Variants in BRSK2 observed in about 807,000 individuals in gnomAD.
The protein encoded by BRSK2 is serine/threonine-protein kinase BRSK2.
Under a neutral mutation model 83.3 loss-of-function variants are expected in BRSK2, and 19 were observed. The observed-to-expected ratio is 0.23, with a 90% CI of 0.16 to 0.33. The LOEUF is 0.33. Among genes scored for constraint, BRSK2 ranks in the 10% least tolerant of loss-of-function variants. The pLI is 1.00. For missense variants in BRSK2, 798 were observed against 1,042.3 expected, an observed-to-expected ratio of 0.77 and a Z score of 3.23; for synonymous variants, 519 against 435.4, an observed-to-expected ratio of 1.19 and a Z score of -2.39.
chr11:1,417,859 A>T (rs1193899967), intron 1 of BRSK2, among the ~76,000 whole-genome samples: 1 of 116,910 alleles, frequency 8.6e-6, no homozygotes, highest in Non-Finnish European at 1.8e-5. Flanking sequence ...AGAGTGGGTC[A>T]CCTGTGTCCT....
chr11:1,405,901 C>T (rs1250843096), intron 1 of BRSK2, among the ~76,000 whole-genome samples: 1 of 152,176 alleles, frequency 6.6e-6, no homozygotes, highest in Non-Finnish European at 1.5e-5. Context: ...TGGCCCAGCC[C>T]CAGGCGCCCC....
chr11:1,436,403 C>T (rs1253388955), intron 2 of BRSK2, among the ~76,000 whole-genome samples: 1 of 152,156 alleles, frequency 6.6e-6, no homozygotes, highest in Non-Finnish European at 1.5e-5. Flanking sequence ...AGTTCAGTTG[C>T]TGCAGGACCT....
intron 2 of BRSK2, among the ~76,000 whole-genome samples, chr11:1,437,685 A>G (rs1850508211): frequency 6.6e-6 from 1 of 152,198 alleles, no homozygotes; most frequent in African/African-American, 2.4e-5. Flanking sequence ...TGGGGCCCAC[A>G]GAGGCCTGTC....
Position 1,454,699 on chromosome 11 carries a change from C to G in BRSK2, c.1668+91C>G. On this transcript the variant is annotated intron_variant, in intron 16 of 19. Coordinates refer to ENST00000528841, the MANE Select transcript of BRSK2 (RefSeq NM_001256627.2). The surrounding 1 kb of genome is among the most constrained non-coding windows in gnomAD (Gnocchi z 5.2). ...ATCCAGCCTCCTCACGTAGACAGGA[C>G]ATGTCCACGCGCACAGCACGGACGT... 5.3e-6 allele frequency: 8 copies of G among 1,504,654 alleles called. No individual in the cohort carries two copies. Among genetic ancestry groups the G allele is most frequent in the Admixed American group, 1.8e-5 (1 of 56,164 alleles). The allele number at this position is 1,504,654 out of a possible 1,614,324, so 93.2% of individuals were successfully genotyped here. A position where few individuals can be genotyped will look rare whatever the true frequency, so the allele number is the denominator to read the frequency against.
chr11:1,419,288 AC>A (rs1166629212), intron 1 of BRSK2, among the ~76,000 whole-genome samples: 2 of 151,344 alleles, frequency 1.3e-5, no homozygotes, highest in Non-Finnish European at 2.9e-5. Flanking sequence ...GAGTCTGGGC[AC>A]CGGGGGGCCT....
chr11:1,454,298 C>T lies in BRSK2; in HGVS notation c.1545-187C>T. 1 of 638,132 alleles carries T rather than the reference C, an allele frequency of 1.6e-6. No homozygotes were observed. The highest frequency in any genetic ancestry group is 2.7e-6 in the Non-Finnish European group (1 of 368,506). The allele number at this position is 638,132 out of a possible 1,614,324, so 39.5% of individuals were successfully genotyped here. On this transcript the variant is annotated intron_variant, in intron 15 of 19. Transcript: ENST00000528841. This position sits in a 1 kb window ranked among gnomAD's most constrained non-coding sequence, Gnocchi z 5.2. ...TTGGGGTTAGAGCCACGGTGATGGT[C>T]AGGGCATATGGGCTAGGGTTAGGGC...
intron 1 of BRSK2, among the ~76,000 whole-genome samples, chr11:1,402,686 G>A (rs1185477864): frequency 6.6e-6 from 1 of 152,212 alleles, no homozygotes; most frequent in African/African-American, 2.4e-5. Flanking sequence ...AGAGGGCCAG[G>A]ACTCAGGAGG....
chr11:1,450,126 T>C (rs1209688950), intron 13 of BRSK2, among the ~76,000 whole-genome samples: 1 of 151,054 alleles, frequency 6.6e-6, no homozygotes, highest in African/African-American at 2.4e-5. Context: ...CGCCTGTTTC[T>C]TTCTGGTCCT....
chr11:1,458,410 AGCCCAGCCTATCCCCGTGATCTCGCTAC>A (rs1174254038), intron 18 of BRSK2, among the ~76,000 whole-genome samples: 1 of 151,886 alleles, frequency 6.6e-6, no homozygotes, highest in Non-Finnish European at 1.5e-5. Context: ...GGACTTGGGG[AGCCCAGCCTATCCCCGTGATCTCGCTAC>A]GCCCAGCCCT....
At chr11:1,444,285 C>A (rs1039000531) in intron 8 of BRSK2, among the ~76,000 whole-genome samples, 1 of 152,152 alleles carries the variant, frequency 6.6e-6, no homozygotes, top group Non-Finnish European at 1.5e-5. Flanking sequence ...GCTGCTGGTC[C>A]TGACCTCCTC....
At chr11:1,393,591 T>C (rs1590283690) in intron 1 of BRSK2, among the ~76,000 whole-genome samples, 2 of 152,170 alleles carry the variant, frequency 1.3e-5, no homozygotes, top group East Asian at 3.9e-4. Context: ...GCCAGGGACC[T>C]GGGGCCGCCC....
chr11:1,394,429 A>G (rs111164725), intron 1 of BRSK2, among the ~76,000 whole-genome samples: 4 of 49,234 alleles, frequency 8.1e-5, no homozygotes, highest in Admixed American at 3.4e-4. Context: ...GGCCATGGAG[A>G]TGGGTCCTGG....
rs1245883271 is a variant in BRSK2, at chr11:1,406,241, C to CGG, written c.91+15866_91+15867insGG. On this transcript the variant is annotated intron_variant, in intron 1 of 19. Transcript: ENST00000528841. ...ATCCCAGCACTTTGGGAGGCCAAGGCTGCCAAGGTCAGGAGATGGAGACCA... is the reference window on the plus strand; with the variant it reads ...ATCCCAGCACTTTGGGAGGCCAAGGCGGTGCCAAGGTCAGGAGATGGAGACCA... Among the ~76,000 whole-genome samples the CGG allele has an allele frequency of 9.0e-3, 1,365 of 152,272 alleles. 18 individuals are homozygous for CGG. The highest frequency in any genetic ancestry group is 0.031 in the African/African-American group (1,270 of 41,546).
chr11:1,416,020 A>G (rs1848063249), intron 1 of BRSK2, among the ~76,000 whole-genome samples: 1 of 152,268 alleles, frequency 6.6e-6, no homozygotes, highest in Admixed American at 6.5e-5. Context: ...GGCAAGCTGA[A>G]CCAAGTTCAT....
intron 12 of BRSK2, 36 bp from the exon 13 acceptor site, chr11:1,449,740 T>C (rs751610697): frequency 6.3e-7 from 1 of 1,589,728 alleles, no homozygotes; most frequent in Non-Finnish European, 8.6e-7. Context: ...CACTGCCCCC[T>C]GGCTGAGCAG....
chr11:1,399,131 G>A (rs1846306859), intron 1 of BRSK2, among the ~76,000 whole-genome samples: 2 of 152,194 alleles, frequency 1.3e-5, no homozygotes, highest in African/African-American at 2.4e-5. Context: ...GAGCCACAGA[G>A]CCGTTGTGAC....
chr11:1,418,145 A>C (rs1460930619), intron 1 of BRSK2, among the ~76,000 whole-genome samples: 13 of 95,558 alleles, frequency 1.4e-4, no homozygotes, highest in South Asian at 3.4e-4. Context: ...AGTGGGTCAC[A>C]CTGTGTCCTG....
chr11:1,459,277 C>T (rs777750303), intron 19 of BRSK2, 38 bp downstream of exon 19: 2 of 1,609,556 alleles, frequency 1.2e-6, no homozygotes, highest in African/African-American at 1.3e-5. Context: ...CCTCCACCTG[C>T]CACTTCACCG....
intron 12 of BRSK2, among the ~76,000 whole-genome samples, chr11:1,446,693 C>T (rs186283511): frequency 1.2e-4 from 18 of 152,354 alleles, no homozygotes; most frequent in Non-Finnish European, 2.1e-4. Flanking sequence ...GCTGCCCGCA[C>T]GAGGCCCTCA....
Sources: allele counts gnomAD v4.1 joint callset (sites outside exome capture counted in the v4.1 genomes callset), GRCh38; gene constraint gnomAD v4.1.1; non-coding constraint Gnocchi (gnomAD v3.1); transcripts MANE v1.5; gene names NCBI Gene and HGNC (gene_info 2026-07-23, HGNC 2026-07-21).